Variants in ITPR2 observed in about 807,000 individuals in gnomAD.
ITPR2 encodes the protein inositol 1,4,5-trisphosphate receptor type 2.
ITPR2 carries 207 observed loss-of-function variants against 317.1 expected under a neutral mutation model. That is an observed-to-expected ratio of 0.65 (90% CI 0.58 to 0.73). The LOEUF is 0.73. Ranked by LOEUF, ITPR2 falls within the 30% of genes least tolerant of loss-of-function variation. The pLI is 0.00. For synonymous variants in ITPR2, 1,156 were observed against 1,149.1 expected, an observed-to-expected ratio of 1.01 and a Z score of -0.12; for missense variants, 2,613 against 3,284.0, an observed-to-expected ratio of 0.80 and a Z score of 4.99.
At chr12:26,674,635 G>A (rs1441066415) in intron 13 of ITPR2, among the ~76,000 whole-genome samples, 1 of 152,154 alleles carries the variant, frequency 6.6e-6, no homozygotes, top group African/African-American at 2.4e-5. Flanking sequence ...CATAGGCATG[G>A]GCAAGGACTT....
intron 34 of ITPR2, among the ~76,000 whole-genome samples, chr12:26,562,735 G>T (rs1944852596): frequency 6.8e-6 from 1 of 147,802 alleles, no homozygotes; most frequent in Non-Finnish European, 1.5e-5. Context: ...TTGGACACAG[G>T]AAGGGGAACA....
intron 10 of ITPR2, among the ~76,000 whole-genome samples, chr12:26,689,854 A>C (rs900486323): frequency 1.3e-5 from 2 of 152,228 alleles, no homozygotes; most frequent in African/African-American, 4.8e-5. Context: ...GAGGTTTAGA[A>C]GAGGATGTGA....
intron 5 of ITPR2, among the ~76,000 whole-genome samples, chr12:26,718,987 T>TA (rs1385986884): frequency 6.6e-6 from 1 of 152,124 alleles, no homozygotes. Context: ...AGTGGTTCAT[T>TA]AAAAAATGGT....
rs1437220712 is a variant in ITPR2 at position 26,663,695 on chromosome 12, C to T, written c.1703G>A (p.Arg568Gln). ...RVLRHSQQDYRKNQEYIAKNF... is the reference protein window; with the variant it reads ...RVLRHSQQDYQKNQEYIAKNF... ...GGGCTACCCTCTGACCTGATTTTTC[C>T]GGTAATCCTGCTGCGAGTGTCTCAG... The change falls in exon 15 of 57, where the codon CGG becomes CAG. Residue 568 changes from arginine (R) to glutamine (Q), a missense_variant. Arg to Gln is a conservative substitution (Grantham distance 43). Transcript: ENST00000381340. 6.2e-7 allele frequency: 1 copy of T among 1,608,606 alleles called. No homozygotes were observed. The highest frequency in any genetic ancestry group is 8.5e-7 in the Non-Finnish European group (1 of 1,178,308).
chr12:26,524,877 T>C (rs552198590), intron 37 of ITPR2, among the ~76,000 whole-genome samples: 19 of 152,326 alleles, frequency 1.2e-4, no homozygotes, highest in African/African-American at 4.6e-4. Context: ...AATGTGACTG[T>C]TACTGTAACA....
chr12:26,613,673 G>A (rs1291467646), intron 26 of ITPR2, among the ~76,000 whole-genome samples: 3 of 151,982 alleles, frequency 2.0e-5, no homozygotes, highest in Non-Finnish European at 4.4e-5. Context: ...AATACCTAAG[G>A]GTGATACCCA....
Position 26,631,916 on chromosome 12 carries a change from C to G in ITPR2, c.2884G>C (p.Glu962Gln), listed in dbSNP as rs758612266. 1 of 1,614,088 alleles carries G rather than the reference C, an allele frequency of 6.2e-7. No individual in the cohort carries two copies. ...TTGGTGTCCATCACAGTCACATCCT[C>G]GTGCTCGGTGGGGCTCCCTTGCTTG... ...PSKQGSPTEH[E>Q]DVTVMDTKLK... Residue 962 changes from glutamate (E) to glutamine (Q), a missense_variant, in exon 22 of 57, where the codon GAG becomes CAG. Around this residue, in one of 9 missense-constraint regions of ITPR2, gnomAD observed 817 missense variants for 897.6 expected, o/e 0.91. Transcript: ENST00000381340.
intron 37 of ITPR2, among the ~76,000 whole-genome samples, chr12:26,497,149 C>CTT: frequency 6.9e-6 from 1 of 145,600 alleles, no homozygotes; most frequent in African/African-American, 2.7e-5. Context: ...GTGATCATTT[C>CTT]TCTCTCTTTT....
chr12:26,817,481 G>C (rs1321321920), intron 1 of ITPR2, among the ~76,000 whole-genome samples: 1 of 152,216 alleles, frequency 6.6e-6, no homozygotes, highest in African/African-American at 2.4e-5. Context: ...CTGACAAGCT[G>C]CTTTTCAGCC....
intron 39 of ITPR2, among the ~76,000 whole-genome samples, chr12:26,491,010 T>C (rs981058887): frequency 2.0e-5 from 3 of 152,126 alleles, no homozygotes; most frequent in South Asian, 2.1e-4. Flanking sequence ...ATTTGAGGAA[T>C]GGCAAAGAGC....
intron 37 of ITPR2, among the ~76,000 whole-genome samples, chr12:26,526,084 T>C (rs1031809551): frequency 2.5e-4 from 38 of 152,344 alleles, no homozygotes; most frequent in African/African-American, 8.7e-4. Flanking sequence ...CCTCTGCTTA[T>C]ATCAGCTGCA....
intron 13 of ITPR2, among the ~76,000 whole-genome samples, chr12:26,667,213 A>G (rs1487537871): frequency 5.9e-5 from 9 of 152,232 alleles, no homozygotes; most frequent in Admixed American, 5.9e-4. Flanking sequence ...GTTGGAAAAC[A>G]TCTCTTTTCT....
At chr12:26,672,903 C>G (rs1947818290) in intron 13 of ITPR2, among the ~76,000 whole-genome samples, 1 of 152,072 alleles carries the variant, frequency 6.6e-6, no homozygotes, top group Non-Finnish European at 1.5e-5. Flanking sequence ...AAACTACCAT[C>G]AGAGATTACT....
intron 32 of ITPR2, among the ~76,000 whole-genome samples, chr12:26,588,086 G>T (rs116521475): frequency 5.9e-5 from 9 of 152,286 alleles, no homozygotes; most frequent in Non-Finnish European, 1.2e-4. Flanking sequence ...TTGAAAAGGG[G>T]TTATTTTAGA....
intron 26 of ITPR2, among the ~76,000 whole-genome samples, chr12:26,603,996 G>A (rs940987970): frequency 2.6e-5 from 4 of 152,128 alleles, no homozygotes; most frequent in African/African-American, 7.2e-5. Flanking sequence ...GGTGTTAGGC[G>A]CTTGCAGTTA....
At chr12:26,725,806 A>G (rs747636649) in intron 2 of ITPR2, 41 bp from the exon 3 acceptor site, 18 of 1,304,474 alleles carry the variant, frequency 1.4e-5, no homozygotes, top group South Asian at 4.8e-5. Context: ...AACTAAGGCT[A>G]CTAGCATTTC....
chr12:26,561,063 A>G (rs1944804638), intron 35 of ITPR2, among the ~76,000 whole-genome samples: 1 of 152,160 alleles, frequency 6.6e-6, no homozygotes, highest in Non-Finnish European at 1.5e-5. Flanking sequence ...TTAAGATAAA[A>G]TGAGTTCATA....
At chr12:26,508,952 T>C (rs139809551) in intron 37 of ITPR2, among the ~76,000 whole-genome samples, 173 of 152,352 alleles carry the variant, frequency 1.1e-3, no homozygotes, top group African/African-American at 3.8e-3. Context: ...AGAATGTTCA[T>C]TGTGGCATGA....
intron 55 of ITPR2, among the ~76,000 whole-genome samples, chr12:26,346,051 T>C (rs1473119823): frequency 2.0e-5 from 3 of 152,172 alleles, no homozygotes; most frequent in Non-Finnish European, 4.4e-5. Context: ...AGGGAAGATG[T>C]AGGTTAACTG....
Sources: allele counts gnomAD v4.1 joint callset (sites outside exome capture counted in the v4.1 genomes callset), GRCh38; gene constraint gnomAD v4.1.1; regional missense constraint gnomAD v4.1.1; transcripts MANE v1.5; gene names NCBI Gene and HGNC (gene_info 2026-07-23, HGNC 2026-07-21).